The following THOC2 variants were observed in gnomAD, a reference collection of about 807,000 sequenced individuals.
THOC2 encodes the protein THO complex subunit 2.
THOC2 carries 10 observed loss-of-function variants against 128.4 expected under a neutral mutation model. The ratio of observed to expected loss-of-function variants is 0.08; its 90% CI spans 0.05 to 0.13. THOC2 has a LOEUF of 0.13. Among genes scored for constraint, THOC2 ranks in the 10% least tolerant of loss-of-function variants. THOC2 has a pLI of 1.00. For synonymous variants in THOC2, 393 were observed against 396.9 expected (o/e 0.99, Z 0.12); for missense variants, 535 against 1,155.7 (o/e 0.46, Z 7.79).
Position 123,687,659 on chromosome X carries a change from C to T in THOC2, c.602-945G>A, listed in dbSNP as rs146220006. 5.1e-3 allele frequency among the ~76,000 whole-genome samples: 572 copies of T among 111,790 alleles called. 1 individual carries two copies. The highest frequency in any genetic ancestry group is 0.018 in the African/African-American group (544 of 30,834). On this transcript the variant is annotated intron_variant, in intron 7 of 38. Coordinates refer to ENST00000245838, the MANE Select transcript of THOC2 (RefSeq NM_001081550.2). ...TGATATCTCCAGTTACTTATATTAA[C>T]GCCACACTTATTTATATTAAATGCT...
intron 12 of THOC2, among the ~76,000 whole-genome samples, chrX:123,651,227 A>G (rs1005612982): frequency 8.9e-6 from 1 of 112,268 alleles, no homozygotes; most frequent in African/African-American, 3.2e-5. Context: ...ATTAAGACAG[A>G]AATAAACAAG....
At chrX:123,672,443 CAT>C (rs1195567143) in intron 8 of THOC2, among the ~76,000 whole-genome samples, 3 of 111,141 alleles carry the variant, frequency 2.7e-5, no homozygotes, top group African/African-American at 6.5e-5. Context: ...GGCTGATACA[CAT>C]GTGTGTTTTC....
At chrX:123,607,973 G>C (rs1319200425) in intron 38 of THOC2, among the ~76,000 whole-genome samples, 2 of 110,723 alleles carry the variant, frequency 1.8e-5, no homozygotes, top group Non-Finnish European at 3.8e-5. Context: ...TATCAGCCAG[G>C]CATGGCAGCT....
rs2046259782 is a variant in THOC2, at chrX:123,601,191, C to G, written c.*166G>C. ...TAAAATACAGTAATGCACAACTTAACAATTTTAAGTTTTCCACATGGAGCA... is the reference window on the plus strand; with the variant it reads ...TAAAATACAGTAATGCACAACTTAAGAATTTTAAGTTTTCCACATGGAGCA... On this transcript the variant is annotated 3_prime_UTR_variant, in exon 39 of 39. Coordinates refer to ENST00000245838, the MANE Select transcript of THOC2 (RefSeq NM_001081550.2). 8.9e-6 allele frequency: 1 copy of G among 112,265 alleles called. No homozygotes were observed. Among genetic ancestry groups the G allele is most frequent in the African/African-American group, 3.2e-5 (1 of 30,812 alleles). The allele number at this position is 112,265 out of a possible 1,213,427, so 9.3% of individuals were successfully genotyped here.
At chrX:123,655,507 T>C (rs975411503) in intron 12 of THOC2, among the ~76,000 whole-genome samples, 1 of 111,955 alleles carries the variant, frequency 8.9e-6, no homozygotes, top group African/African-American at 3.2e-5. Context: ...ACTGAAAGGA[T>C]AGTATACTAA....
intron 12 of THOC2, among the ~76,000 whole-genome samples, chrX:123,648,473 T>C (rs960347338): frequency 1.8e-5 from 2 of 110,631 alleles, no homozygotes; most frequent in Non-Finnish European, 3.8e-5. Flanking sequence ...AACCATCCAC[T>C]CCCCTGGAAA....
chrX:123,630,267 A>G (rs1018321402), intron 22 of THOC2, among the ~76,000 whole-genome samples: 3 of 111,814 alleles, frequency 2.7e-5, no homozygotes, highest in Non-Finnish European at 3.8e-5. Context: ...AATAGAACTG[A>G]TATCCACAAT....
Position 123,702,605 on chromosome X carries a change from T to C in THOC2, c.274+849A>G, listed in dbSNP as rs1048974774. Among the ~76,000 whole-genome samples the C allele has an allele frequency of 7.6e-5, 8 of 105,296 alleles. No individual in the cohort carries two copies. The Admixed American group carries it at 8.7e-4, about 11-fold the overall frequency. The allele number at this position is 105,296 out of a possible 115,157, so 91.4% of individuals were successfully genotyped here. On this transcript the variant is annotated intron_variant, in intron 4 of 38. Transcript: ENST00000245838. ...ATTATATATATCTGTATATATAATA[T>C]ATATGTGTATATACATATATTTTAT...
chrX:123,720,200 T>C (rs1201772341), intron 1 of THOC2, among the ~76,000 whole-genome samples: 1 of 110,010 alleles, frequency 9.1e-6, no homozygotes, highest in East Asian at 2.9e-4. Flanking sequence ...AATCCCAGTC[T>C]TTTTGGAGGC....
At chrX:123,607,606 G>C (rs2046526953) in intron 38 of THOC2, among the ~76,000 whole-genome samples, 2 of 109,549 alleles carry the variant, frequency 1.8e-5, no homozygotes, top group South Asian at 7.9e-4. Context: ...GCCTGGCCTT[G>C]TATCTTAATT....
At chrX:123,663,435 T>C (rs1285195910) in intron 12 of THOC2, among the ~76,000 whole-genome samples, 1 of 111,130 alleles carries the variant, frequency 9.0e-6, no homozygotes, top group Non-Finnish European at 1.9e-5. Flanking sequence ...GGAACTTCTA[T>C]ATCATGATTG....
chrX:123,712,833 A>G lies in THOC2; in HGVS notation c.130+17T>C. 9.3e-7 allele frequency: 1 copy of G among 1,074,436 alleles called. No homozygotes were observed. The highest frequency in any genetic ancestry group is 1.3e-6 in the Non-Finnish European group (1 of 793,747). 88.5% of individuals were successfully genotyped at this position (1,074,436 alleles called of 1,213,427 possible). A position where few individuals can be genotyped will look rare whatever the true frequency, so the allele number is the denominator to read the frequency against. ...ATTTTAATCAAGAAATAACTAAGAT[A>G]CTTTTAAAAATCTTACCTCTGTATG... On this transcript the variant is annotated intron_variant, in intron 2 of 38. Coordinates refer to ENST00000245838, the MANE Select transcript of THOC2 (RefSeq NM_001081550.2).
intron 1 of THOC2, among the ~76,000 whole-genome samples, chrX:123,724,394 G>A (rs775334671): frequency 1.8e-5 from 2 of 112,127 alleles, no homozygotes; most frequent in African/African-American, 6.5e-5. Flanking sequence ...AAAATAAAAA[G>A]GCAATGGAAG....
rs761780861 is a variant in THOC2, at chrX:123,619,451, T to C, written c.4276-15A>G. The stretch of plus-strand genomic sequence containing the variant: ...ATGAGACTGTCCTGTAGAAAATGAA[T>C]GGAGATGACAGGTGAGCTGGCATAG... On this transcript the variant is annotated splice_polypyrimidine_tract_variant and intron_variant, in intron 32 of 38. Transcript: ENST00000245838. 19 of 1,206,326 alleles carry C rather than the reference T, an allele frequency of 1.6e-5. No individual in the cohort carries two copies.
chrX:123,654,211 C>A (rs1384719435), intron 12 of THOC2, among the ~76,000 whole-genome samples: 2 of 109,262 alleles, frequency 1.8e-5, no homozygotes, highest in Non-Finnish European at 3.8e-5. Context: ...ACAATTAGAA[C>A]ACAAGGACAC....
intron 4 of THOC2, among the ~76,000 whole-genome samples, chrX:123,702,745 AGAGT>A (rs966198727): frequency 1.9e-5 from 2 of 108,095 alleles, no homozygotes; most frequent in Middle Eastern, 8.5e-3. Context: ...CCTGGTCGAA[AGAGT>A]AAGACCATGT....
intron 1 of THOC2, among the ~76,000 whole-genome samples, chrX:123,720,568 C>A (rs1217081827): frequency 1.8e-5 from 2 of 112,002 alleles, no homozygotes; most frequent in Admixed American, 9.5e-5. Context: ...GAGTACTTAT[C>A]CAAAAAAATT....
Position 123,621,542 on chromosome X carries a change from T to C in THOC2, c.3831A>G (p.Lys1277=), listed in dbSNP as rs1044250128. The C allele has an allele frequency of 6.0e-6, 7 of 1,172,567 alleles. No homozygotes were observed. In the Admixed American group the frequency reaches 1.1e-4, roughly 18 times the overall value. ...KENDKEKGKE[K]EKEKKEKTPA... ...GAGTCTTTTCTTTTTTCTCTTTTTC[T>C]TTCTCTTTCCCTTTTTCTTTGTCAT... The change falls in exon 31 of 39, where the codon AAA becomes AAG. Residue 1277 remains lysine (K), a synonymous_variant. Transcript: ENST00000245838.
intron 22 of THOC2, among the ~76,000 whole-genome samples, chrX:123,630,740 A>G (rs2047451022): frequency 9.0e-6 from 1 of 111,070 alleles, no homozygotes; most frequent in African/African-American, 3.3e-5. Flanking sequence ...TCTCTCAACG[A>G]AGGCTCTTCA....
Sources: allele counts gnomAD v4.1 joint callset (sites outside exome capture counted in the v4.1 genomes callset), GRCh38; gene constraint gnomAD v4.1.1; transcripts MANE v1.5; gene names NCBI Gene and HGNC (gene_info 2026-07-23, HGNC 2026-07-21).